Variants in KCTD21 observed in about 807,000 individuals in gnomAD.
KCTD21 encodes potassium channel tetramerization domain containing 21.
KCTD21 carries 9 observed loss-of-function variants against 13.2 expected under a neutral mutation model. The observed-to-expected ratio is 0.68, with a 90% CI of 0.41 to 1.19. The LOEUF (loss-of-function observed/expected upper bound fraction) is 1.19, where lower values mean the gene tolerates loss of function less well. Among genes scored for constraint, KCTD21 ranks in the 50% most tolerant of loss-of-function variants. The pLI is 0.01. For missense variants in KCTD21, 303 were observed against 336.5 expected (o/e 0.90, Z 0.78); for synonymous variants, 142 against 137.4 (o/e 1.03, Z -0.23).
intron 1 of KCTD21, among the ~76,000 whole-genome samples, chr11:78,176,648 A>G (rs1007782522): frequency 6.6e-6 from 1 of 152,198 alleles, no homozygotes; most frequent in African/African-American, 2.4e-5. Flanking sequence ...GCACAGTGAC[A>G]AGACAGGTAG....
intron 1 of KCTD21, chr11:78,187,708 C>T: frequency 1.0e-6 from 1 of 985,438 alleles, no homozygotes; most frequent in Non-Finnish European, 1.2e-6. Flanking sequence ...CCTCACAGTA[C>T]TATAGGAGGG....
intron 1 of KCTD21, 41 bp downstream of exon 1, chr11:78,188,532 G>A (rs1862888639): frequency 4.1e-6 from 4 of 985,394 alleles, no homozygotes; most frequent in Non-Finnish European, 4.8e-6. Context: ...ACCCTCGCCG[G>A]TAGTCCCCGA....
chr11:78,188,184 G>A (rs1004903596), intron 1 of KCTD21: 1 of 985,084 alleles, frequency 1.0e-6, no homozygotes, highest in African/African-American at 1.7e-5. Context: ...GGCCTCATCG[G>A]CTTGTTCCGC....
At chr11:78,175,593 C>G (rs1264380501) in intron 1 of KCTD21, among the ~76,000 whole-genome samples, 1 of 152,142 alleles carries the variant, frequency 6.6e-6, no homozygotes, top group Non-Finnish European at 1.5e-5. Flanking sequence ...ACCAGTGACA[C>G]TGCTGAATTT....
rs1258577626 is a variant in KCTD21 at position 78,173,889 on chromosome 11, G to A, written c.666C>T (p.Val222=). The change falls in exon 2 of 2, where the codon GTC becomes GTT. Residue 222 remains valine (V), a synonymous_variant. Transcript: ENST00000340067. The stretch of plus-strand genomic sequence containing the variant: ...CGATTTTCAGTACCTCTTCCACGAA[G>A]ACCTGGAAGCTGTTGATCTGCTTGT... ...PANKQINSFQ[V]FVEEVLKIAL... is the part of the protein sequence containing the mutation. The A allele has an allele frequency of 4.3e-6, 7 of 1,614,188 alleles. No individual in the cohort carries two copies. Among genetic ancestry groups the A allele is most frequent in the Non-Finnish European group, 5.9e-6 (7 of 1,180,020 alleles).
chr11:78,178,228 C>T (rs625471), intron 1 of KCTD21, among the ~76,000 whole-genome samples: 23,982 of 151,516 alleles, frequency 0.16, 2,010 homozygotes, highest in African/African-American at 0.2. Flanking sequence ...CAGATTCAAG[C>T]GACACTCCTG....
intron 1 of KCTD21, among the ~76,000 whole-genome samples, chr11:78,184,329 CTATTTATTTATT>C (rs532305114): frequency 2.6e-4 from 40 of 152,108 alleles, no homozygotes; most frequent in African/African-American, 9.4e-4. Context: ...TGGAGAAGCT[CTATTTATTTATT>C]TATTTATTTA....
At chr11:78,181,184 G>A (rs635998) in intron 1 of KCTD21, among the ~76,000 whole-genome samples, 2 of 152,018 alleles carry the variant, frequency 1.3e-5, no homozygotes, top group Admixed American at 6.5e-5. Flanking sequence ...TATTTATGCC[G>A]GAGAAATGGA....
In KCTD21 at chr11:78,171,717, T is replaced by G. The variant is rs796595967; in HGVS notation, c.*2055A>C. 2 of 152,352 alleles carry G rather than the reference T, an allele frequency of 1.3e-5. No homozygotes were observed. Among genetic ancestry groups the G allele is most frequent in the African/African-American group, 4.8e-5 (2 of 41,578 alleles). The allele number at this position is 152,352 out of a possible 1,614,324, so 9.4% of individuals were successfully genotyped here. On this transcript the variant is annotated 3_prime_UTR_variant, in exon 2 of 2. Coordinates refer to ENST00000340067, the MANE Select transcript of KCTD21 (RefSeq NM_001029859.3). ...GCTATCTGGGTTCAAGCGATTCTAC[T>G]GCCTCAGCCTCCCAAATAGCTGGGG...
chr11:78,187,627 C>T, intron 1 of KCTD21: 4 of 985,406 alleles, frequency 4.1e-6, no homozygotes, highest in Non-Finnish European at 4.8e-6. Flanking sequence ...CCATTTCAAA[C>T]CGCTCTCTTC....
At chr11:78,183,292 T>G (rs1019906864) in intron 1 of KCTD21, among the ~76,000 whole-genome samples, 49 of 152,052 alleles carry the variant, frequency 3.2e-4, no homozygotes, top group Non-Finnish European at 6.3e-4. Flanking sequence ...TCTCAGCACT[T>G]TGGGAGGCCG....
rs535810510 is a variant in KCTD21, at chr11:78,188,349, G to T, written c.-30+224C>A. 5 of 984,246 alleles carry T rather than the reference G, an allele frequency of 5.1e-6. No homozygotes were observed. The Admixed American group carries it at 3.1e-4, about 61-fold the overall frequency. The allele number at this position is 984,246 out of a possible 1,614,324, so 61.0% of individuals were successfully genotyped here. On this transcript the variant is annotated intron_variant, in intron 1 of 1. Transcript: ENST00000340067. ...TTTCCGACTATCACCATCCGCCCTT[G>T]CTCTCCCAACAGCCCCGCCCCTCTA...
intron 1 of KCTD21, chr11:78,187,889 G>A (rs1301570658): frequency 2.0e-6 from 2 of 985,286 alleles, no homozygotes; most frequent in Non-Finnish European, 2.4e-6. Context: ...GTCCTGAGTG[G>A]TTTTAGGCAA....
At chr11:78,176,970 G>C (rs961127538) in intron 1 of KCTD21, 1 of 152,242 alleles carries the variant, frequency 6.6e-6, no homozygotes, top group African/African-American at 2.4e-5. Context: ...CCGTGATTAC[G>C]CCACAGAACT....
intron 1 of KCTD21, among the ~76,000 whole-genome samples, chr11:78,181,298 A>C (rs1050704901): frequency 2.6e-5 from 4 of 152,252 alleles, no homozygotes; most frequent in Admixed American, 1.3e-4. Context: ...ATTGCAGTAC[A>C]TCCATACAAT....
At chr11:78,182,259 T>A (rs1174587951) in intron 1 of KCTD21, among the ~76,000 whole-genome samples, 1 of 151,476 alleles carries the variant, frequency 6.6e-6, no homozygotes, top group Non-Finnish European at 1.5e-5. Flanking sequence ...GCCACTGCAC[T>A]CTGGTTTGGG....
chr11:78,183,565 A>G (rs1398432871), intron 1 of KCTD21, among the ~76,000 whole-genome samples: 4 of 152,112 alleles, frequency 2.6e-5, no homozygotes, highest in Non-Finnish European at 5.9e-5. Context: ...ACAAGAGTCC[A>G]TAATGTTATT....
intron 1 of KCTD21, among the ~76,000 whole-genome samples, chr11:78,179,776 CCT>C (rs994732379): frequency 5.6e-4 from 85 of 152,286 alleles, no homozygotes; most frequent in African/African-American, 1.9e-3. Flanking sequence ...CTAGACCACC[CCT>C]GTCTACCTTC....
chr11:78,182,928 T>C (rs1160062270), intron 1 of KCTD21, among the ~76,000 whole-genome samples: 1 of 152,192 alleles, frequency 6.6e-6, no homozygotes, highest in East Asian at 1.9e-4. Context: ...CATAATGAAA[T>C]GACTTACCAT....
Sources: gnomAD v4.1 joint callset for allele counts (sites outside exome capture counted in the v4.1 genomes callset) on GRCh38, gnomAD v4.1.1 for gene constraint, MANE v1.5 for transcripts, NCBI Gene and HGNC (gene_info 2026-07-23, HGNC 2026-07-21) for gene names.